Variants in HIP1 observed in about 807,000 individuals in gnomAD.
HIP1 encodes the protein huntingtin interacting protein 1.
In HIP1, 65 loss-of-function variants were observed where a neutral mutation model predicts 147.6. The ratio of observed to expected loss-of-function variants is 0.44; its 90% CI spans 0.36 to 0.54. HIP1 has a LOEUF of 0.54. Ranked by LOEUF, HIP1 falls within the 20% of genes least tolerant of loss-of-function variation. The pLI, the probability that HIP1 is intolerant of heterozygous loss-of-function variation, is 0.00. For synonymous variants in HIP1, 479 were observed against 504.0 expected, an observed-to-expected ratio of 0.95 and a Z score of 0.67; for missense variants, 1,061 against 1,299.6, an observed-to-expected ratio of 0.82 and a Z score of 2.82.
chr7:75,615,104 C>T (rs757065835), intron 1 of HIP1, among the ~76,000 whole-genome samples: 3 of 151,974 alleles, frequency 2.0e-5, no homozygotes, highest in Non-Finnish European at 4.4e-5. Flanking sequence ...ACCTACTACA[C>T]GCAGGGCAAG....
chr7:75,622,337 T>C (rs1797870648), intron 1 of HIP1, among the ~76,000 whole-genome samples: 2 of 151,472 alleles, frequency 1.3e-5, no homozygotes, highest in African/African-American at 4.9e-5. Context: ...TAAGAGTGGA[T>C]AAGAGCACCA....
chr7:75,548,746 G>A (rs782765833), intron 23 of HIP1, 145 bp downstream of exon 23: 16 of 695,842 alleles, frequency 2.3e-5, no homozygotes, highest in Non-Finnish European at 3.9e-5. Context: ...TTACAGGCAT[G>A]AGCCACTGTG....
intron 7 of HIP1, among the ~76,000 whole-genome samples, chr7:75,575,692 G>A (rs1795820922): frequency 6.6e-6 from 1 of 151,936 alleles, no homozygotes; most frequent in African/African-American, 2.4e-5. Context: ...CAAGCAACTG[G>A]CCGTCTGGCT....
At chr7:75,544,665 A>C (rs781968576) in intron 27 of HIP1, 30 bp downstream of exon 27, 1 of 1,348,324 alleles carries the variant, frequency 7.4e-7, no homozygotes, top group Non-Finnish European at 1.1e-6. Flanking sequence ...CAGGCCTTCC[A>C]GCGTCCTAGG....
intron 1 of HIP1, among the ~76,000 whole-genome samples, chr7:75,682,806 C>T (rs1800135152): frequency 1.3e-5 from 2 of 152,066 alleles, no homozygotes; most frequent in African/African-American, 2.4e-5. Flanking sequence ...TCCATGTTGC[C>T]ACCTCCTCCT....
At chr7:75,588,104 C>T (rs781931611) in intron 4 of HIP1, among the ~76,000 whole-genome samples, 19 of 152,156 alleles carry the variant, frequency 1.2e-4, no homozygotes, top group East Asian at 1.9e-4. Context: ...AGAATTCTAC[C>T]GCCTCAAATC....
In HIP1 at chr7:75,555,961, TG is replaced by T. The variant is rs146016584; in HGVS notation, c.1827+64del. 1.5e-3 allele frequency: 2,422 copies of T among 1,583,818 alleles called. 43 individuals carry two copies. The African/African-American group carries it at 0.029, about 19-fold the overall frequency. ...AGCCCCGGGGTCCTCCCAGCCTCCG[TG>T]CATGCGCAGAGGCCCTCGGTGGGAA... On this transcript the variant is annotated intron_variant, in intron 18 of 30. Coordinates refer to ENST00000336926, the MANE Select transcript of HIP1 (RefSeq NM_005338.7).
intron 1 of HIP1, among the ~76,000 whole-genome samples, chr7:75,693,334 T>C (rs1554518397): frequency 6.6e-6 from 1 of 152,140 alleles, no homozygotes; most frequent in Non-Finnish European, 1.5e-5. Flanking sequence ...TTTTCCCAAA[T>C]ATCCCATTGT....
chr7:75,581,207 C>T (rs782616967), intron 7 of HIP1, 30 bp downstream of exon 7: 2 of 1,565,876 alleles, frequency 1.3e-6, no homozygotes, highest in East Asian at 2.2e-5. Context: ...CCCATGAGAG[C>T]CTGGGTTAGA....
chr7:75,645,620 C>CA (rs1554511044), intron 1 of HIP1, among the ~76,000 whole-genome samples: 7 of 152,130 alleles, frequency 4.6e-5, no homozygotes, highest in Admixed American at 6.5e-5. Context: ...GATCATTCTG[C>CA]CAAAAAGACA....
At chr7:75,694,108 C>T (rs1035511495) in intron 1 of HIP1, among the ~76,000 whole-genome samples, 7 of 151,778 alleles carry the variant, frequency 4.6e-5, no homozygotes, top group East Asian at 1.9e-4. Flanking sequence ...TTGGTAGAGA[C>T]GGGATTTCAC....
intron 1 of HIP1, among the ~76,000 whole-genome samples, chr7:75,722,146 G>A (rs1490408045): frequency 6.6e-6 from 1 of 151,896 alleles, no homozygotes; most frequent in South Asian, 2.1e-4. Context: ...ACGTCTCTAA[G>A]AAAAACGTTC....
Position 75,556,797 on chromosome 7 carries a change from C to T in HIP1, c.1596G>A (p.Leu532=), listed in dbSNP as rs1554493457. 5.0e-6 allele frequency: 8 copies of T among 1,609,622 alleles called. No individual in the cohort carries two copies. Among genetic ancestry groups the T allele is most frequent in the Admixed American group, 1.7e-5 (1 of 59,996 alleles). ...DQGQRKTQEQ[L]EVLESLKQEL... ...CCTGCTTCAAGCTCTCTAGAACTTC[C>T]AGCTGTTCTTGAGTCTGAAAGAGAA... Residue 532 remains leucine, a synonymous_variant, in exon 17 of 31, where the codon CTG becomes CTA. Coordinates refer to ENST00000336926, the MANE Select transcript of HIP1 (RefSeq NM_005338.7).
intron 13 of HIP1, 151 bp from the exon 14 acceptor site, chr7:75,560,066 A>G: frequency 1.4e-6 from 1 of 707,416 alleles, no homozygotes; most frequent in Non-Finnish European, 2.3e-6. Flanking sequence ...CCATCTGGTC[A>G]TTAGGAGCCC....
chr7:75,697,037 T>G (rs973930763), intron 1 of HIP1, among the ~76,000 whole-genome samples: 1 of 152,100 alleles, frequency 6.6e-6, no homozygotes, highest in Non-Finnish European at 1.5e-5. Context: ...AAACTTAACT[T>G]TTTAAGTCGA....
intron 1 of HIP1, among the ~76,000 whole-genome samples, chr7:75,736,910 C>T (rs374149901): frequency 1.5e-4 from 23 of 151,244 alleles, no homozygotes; most frequent in African/African-American, 3.4e-4. Context: ...CACCTGCGCG[C>T]GGTTTTCTTT....
chr7:75,586,944 TA>T, intron 4 of HIP1, 111 bp from the exon 5 acceptor site: 1 of 721,936 alleles, frequency 1.4e-6, no homozygotes, highest in Middle Eastern at 2.7e-4. Flanking sequence ...TTCTCCCCTT[TA>T]TTTTATTTAT....
chr7:75,542,554 C>A (rs1794368741), intron 28 of HIP1, among the ~76,000 whole-genome samples: 1 of 151,790 alleles, frequency 6.6e-6, no homozygotes, highest in South Asian at 2.1e-4. Flanking sequence ...CAAAAATTAG[C>A]CAGGCATGGT....
At chr7:75,645,680 G>A (rs1201650390) in intron 1 of HIP1, among the ~76,000 whole-genome samples, 6 of 152,142 alleles carry the variant, frequency 3.9e-5, no homozygotes, top group African/African-American at 1.2e-4. Flanking sequence ...TAAAGACATG[G>A]CATCAACCCA....
Sources: allele counts gnomAD v4.1 joint callset (sites outside exome capture counted in the v4.1 genomes callset), GRCh38; gene constraint gnomAD v4.1.1; transcripts MANE v1.5; gene names NCBI Gene and HGNC (gene_info 2026-07-23, HGNC 2026-07-21).